The following AGBL1 variants were observed in gnomAD, a reference collection of about 807,000 sequenced individuals.
The protein encoded by AGBL1 is AGBL carboxypeptidase 1, also known as cytosolic carboxypeptidase 4.
A neutral mutation model predicts 118.9 loss-of-function variants in AGBL1; 130 were observed. The ratio of observed to expected loss-of-function variants is 1.09; its 90% CI spans 0.95 to 1.26. AGBL1 has a LOEUF of 1.26. Among genes scored for constraint, AGBL1 ranks in the 50% most tolerant of loss-of-function variants. The probability of loss-of-function intolerance (pLI) is 0.00; values close to 1 mark genes in which losing one functional copy is unlikely to be tolerated. For missense variants in AGBL1, 1,584 were observed against 1,298.1 expected (o/e 1.22, Z -3.38); for synonymous variants, 555 against 478.9 (o/e 1.16, Z -2.08).
intron 9 of AGBL1, among the ~76,000 whole-genome samples, chr15:86,258,401 CTCT>C (rs568138661): frequency 1.3e-4 from 20 of 152,318 alleles, no homozygotes; most frequent in Admixed American, 2.6e-4. Flanking sequence ...TTGTAAGTCA[CTCT>C]TCTTATCCTT....
rs186007159 is a variant in AGBL1 at position 86,783,185 on chromosome 15, C to A, written c.3158+108749C>A. 6.6e-3 allele frequency among the ~76,000 whole-genome samples: 1,010 copies of A among 152,288 alleles called. 6 individuals are homozygous for A. Among genetic ancestry groups the A allele is most frequent in the Non-Finnish European group, 9.0e-3 (611 of 68,028 alleles). On this transcript the variant is annotated intron_variant, in intron 22 of 22. Coordinates refer to ENST00000614907, the MANE Select transcript of AGBL1 (RefSeq NM_001386094.1). ...TGTTACCCCCTGCTTTCCATGTCCC[C>A]GGTACTGCCTTTCCCTTCTTGTTAA... is the stretch of plus-strand genomic sequence containing the variant.
intron 22 of AGBL1, among the ~76,000 whole-genome samples, chr15:86,778,533 T>C (rs959918946): frequency 6.6e-6 from 1 of 152,158 alleles, no homozygotes; most frequent in Non-Finnish European, 1.5e-5. Flanking sequence ...TCAGGGATGT[T>C]CCTTGCTGAG....
chr15:86,329,694 C>T (rs2080241018), intron 17 of AGBL1, among the ~76,000 whole-genome samples: 1 of 152,022 alleles, frequency 6.6e-6, no homozygotes, highest in African/African-American at 2.4e-5. Context: ...CCCAAAGCAC[C>T]TCATTACACA....
intron 22 of AGBL1, among the ~76,000 whole-genome samples, chr15:86,862,027 G>C (rs1358733105): frequency 1.3e-5 from 2 of 152,094 alleles, no homozygotes; most frequent in Non-Finnish European, 2.9e-5. Context: ...CTTGCTCCCT[G>C]TTCCTTCTGC....
intron 21 of AGBL1, among the ~76,000 whole-genome samples, chr15:86,670,740 G>A (rs2085733621): frequency 6.6e-6 from 1 of 151,008 alleles, no homozygotes; most frequent in Non-Finnish European, 1.5e-5. Context: ...AGTGTAGAAG[G>A]CATTTTTATT....
chr15:86,432,871 T>C (rs16977099), intron 18 of AGBL1, among the ~76,000 whole-genome samples: 19,724 of 152,222 alleles, frequency 0.13, 1,351 homozygotes, highest in Admixed American at 0.17. Context: ...TGTAAGCCAG[T>C]GTGTCAGCAC....
At chr15:86,630,727 G>A (rs1267286589) in intron 21 of AGBL1, 3 of 152,194 alleles carry the variant, frequency 2.0e-5, no homozygotes, top group African/African-American at 7.2e-5. Flanking sequence ...TAGCTCGAGA[G>A]GACAACATAG....
rs555348418 is a variant in AGBL1, at chr15:86,334,419, T to C, written c.2374+39011T>C. On this transcript the variant is annotated intron_variant, in intron 17 of 22. Coordinates refer to ENST00000614907, the MANE Select transcript of AGBL1 (RefSeq NM_001386094.1). ...AATCAAGAACACAATCCAATTTAAA[T>C]TAGCCACAAAATACTACCTAGGAAT... Among the ~76,000 whole-genome samples the C allele has an allele frequency of 3.3e-5, 5 of 152,130 alleles. No homozygotes were observed. The East Asian group carries it at 9.7e-4, about 29-fold the overall frequency.
At chr15:86,787,613 T>C (rs575323089) in intron 22 of AGBL1, among the ~76,000 whole-genome samples, 1 of 152,334 alleles carries the variant, frequency 6.6e-6, no homozygotes, top group Admixed American at 6.5e-5. Flanking sequence ...TGCTGGATAA[T>C]GTTCCTTTGT....
intron 18 of AGBL1, among the ~76,000 whole-genome samples, chr15:86,474,540 C>A (rs889944061): frequency 6.6e-6 from 1 of 152,224 alleles, no homozygotes; most frequent in Admixed American, 6.5e-5. Context: ...GGGCACCCAC[C>A]ATTGCTGAGG....
At chr15:86,866,808 G>C (rs897270659) in intron 22 of AGBL1, among the ~76,000 whole-genome samples, 11 of 152,216 alleles carry the variant, frequency 7.2e-5, no homozygotes, top group African/African-American at 2.4e-5. Context: ...GCTGAGGACA[G>C]AGCAAGACTC....
chr15:86,101,254 T>A (rs1342293577), intron 1 of AGBL1, among the ~76,000 whole-genome samples: 1 of 152,170 alleles, frequency 6.6e-6, no homozygotes, highest in Non-Finnish European at 1.5e-5. Context: ...TTATAATTGT[T>A]GAGTCTTGTT....
intron 17 of AGBL1, among the ~76,000 whole-genome samples, chr15:86,368,780 T>C (rs2080928708): frequency 6.6e-6 from 1 of 152,216 alleles, no homozygotes; most frequent in Non-Finnish European, 1.5e-5. Context: ...AACAGTATTA[T>C]AAGATGTAAT....
At chr15:86,400,961 C>G (rs2081436540) in intron 18 of AGBL1, among the ~76,000 whole-genome samples, 1 of 152,012 alleles carries the variant, frequency 6.6e-6, no homozygotes, top group Admixed American at 6.6e-5. Flanking sequence ...ATGACTTTTC[C>G]TTTGGGTAGA....
At chr15:86,303,693 G>C (rs1281226432) in intron 17 of AGBL1, among the ~76,000 whole-genome samples, 1 of 152,030 alleles carries the variant, frequency 6.6e-6, no homozygotes. Context: ...AAGGATATCA[G>C]AGTTAATTCT....
intron 22 of AGBL1, among the ~76,000 whole-genome samples, chr15:86,690,608 T>A (rs1472872616): frequency 1.3e-5 from 2 of 152,160 alleles, no homozygotes; most frequent in African/African-American, 4.8e-5. Context: ...TTATCTCGAA[T>A]CATTAGGGTG....
chr15:86,224,074 G>A (rs565988858), intron 5 of AGBL1, among the ~76,000 whole-genome samples: 17 of 152,232 alleles, frequency 1.1e-4, no homozygotes, highest in Admixed American at 3.3e-4. Context: ...TGAGAGAGGT[G>A]GTGGAAACAG....
intron 22 of AGBL1, among the ~76,000 whole-genome samples, chr15:86,898,881 C>A (rs1230294635): frequency 6.6e-6 from 1 of 152,030 alleles, no homozygotes; most frequent in Non-Finnish European, 1.5e-5. Context: ...ATTGGAAAGT[C>A]AAAAAATAAC....
chr15:86,963,351 CTAA>C (rs2081013383), intron 23 of AGBL1, among the ~76,000 whole-genome samples: 2 of 152,000 alleles, frequency 1.3e-5, no homozygotes, highest in Non-Finnish European at 2.9e-5. Context: ...TAGAAATATT[CTAA>C]TGGTTTGAAA....
Sources: gnomAD v4.1 joint callset for allele counts (sites outside exome capture counted in the v4.1 genomes callset) on GRCh38, gnomAD v4.1.1 for gene constraint, MANE v1.5 for transcripts, NCBI Gene and HGNC (gene_info 2026-07-23, HGNC 2026-07-21) for gene names.